The following POFUT3 variants were observed in gnomAD, a reference collection of about 807,000 sequenced individuals.
POFUT3 encodes the protein protein O-fucosyltransferase 3.
the POFUT3 span, among the ~76,000 whole-genome samples, chr8:33,394,497 C>A: frequency 6.6e-6 from 1 of 152,306 alleles, no homozygotes; most frequent in African/African-American, 2.4e-5. Flanking sequence ...CTTAGCAACA[C>A]TGCCCCAGAT....
At chr8:33,416,036 G>A in the POFUT3 span, among the ~76,000 whole-genome samples, 1 of 151,986 alleles carries the variant, frequency 6.6e-6, no homozygotes, top group Non-Finnish European at 1.5e-5. Context: ...TTAAAAAGCA[G>A]GATTTAAGTA....
the POFUT3 span, among the ~76,000 whole-genome samples, chr8:33,454,479 G>A: frequency 0.082 from 12,427 of 152,160 alleles, 652 homozygotes; most frequent in African/African-American, 0.15. Flanking sequence ...CTCAAAGTGG[G>A]TCACATTGAT....
At chr8:33,369,315 T>C in the POFUT3 span, among the ~76,000 whole-genome samples, 1 of 152,236 alleles carries the variant, frequency 6.6e-6, no homozygotes, top group Non-Finnish European at 1.5e-5. Context: ...AACTAGATTA[T>C]TTCTTAGAGT....
chr8:33,413,792 A>G, the POFUT3 span, among the ~76,000 whole-genome samples: 2 of 152,316 alleles, frequency 1.3e-5, no homozygotes, highest in East Asian at 3.9e-4. Flanking sequence ...ACTGCAATAC[A>G]TACAATAAAG....
chr8:33,371,665 C>A, the POFUT3 span: 1 of 152,232 alleles, frequency 6.6e-6, no homozygotes, highest in Non-Finnish European at 1.5e-5. Flanking sequence ...GCTGAACCTT[C>A]CCTATAGCAG....
chr8:33,352,275 A>G, the POFUT3 span, among the ~76,000 whole-genome samples: 19 of 152,220 alleles, frequency 1.2e-4, no homozygotes, highest in Non-Finnish European at 2.2e-4. Context: ...TCACTACGTG[A>G]GATTTTGGAG....
At chr8:33,378,594 A>G in the POFUT3 span, among the ~76,000 whole-genome samples, 2 of 152,144 alleles carry the variant, frequency 1.3e-5, no homozygotes, top group Admixed American at 6.5e-5. Flanking sequence ...TACTCCCAAC[A>G]TAAGTTTACT....
the POFUT3 span, among the ~76,000 whole-genome samples, chr8:33,341,851 G>C: frequency 2.9e-3 from 443 of 152,232 alleles, 4 homozygotes; most frequent in African/African-American, 1.0e-2. Context: ...TTGAGCCCAG[G>C]AGTTCAAGAC....
At chr8:33,345,773 C>T in the POFUT3 span, among the ~76,000 whole-genome samples, 20 of 150,312 alleles carry the variant, frequency 1.3e-4, no homozygotes, top group African/African-American at 4.6e-4. Context: ...AACAATGGGG[C>T]GTGGAAAGAG....
At chr8:33,423,483 T>A in the POFUT3 span, among the ~76,000 whole-genome samples, 6 of 152,018 alleles carry the variant, frequency 3.9e-5, no homozygotes, top group Non-Finnish European at 7.4e-5. Flanking sequence ...TTGCCCAGGC[T>A]AGTCTTGAAC....
chr8:33,336,238 C>T, the POFUT3 span, among the ~76,000 whole-genome samples: 1 of 152,170 alleles, frequency 6.6e-6, no homozygotes, highest in Non-Finnish European at 1.5e-5. Context: ...CAAATACTCC[C>T]ATCATGACTG....
At chr8:33,386,145 C>T in the POFUT3 span, among the ~76,000 whole-genome samples, 3 of 141,418 alleles carry the variant, frequency 2.1e-5, no homozygotes, top group Non-Finnish European at 4.5e-5. Flanking sequence ...GCCGAGATCA[C>T]GCCACTACAC....
the POFUT3 span, among the ~76,000 whole-genome samples, chr8:33,360,395 G>A: frequency 3.5e-4 from 53 of 151,890 alleles, no homozygotes; most frequent in African/African-American, 1.1e-3. Flanking sequence ...GCAGTGAGCC[G>A]AGATGGTGCC....
chr8:33,421,024 C>T, the POFUT3 span, among the ~76,000 whole-genome samples: 1 of 151,638 alleles, frequency 6.6e-6, no homozygotes, highest in African/African-American at 2.4e-5. Context: ...ATAGGAAAGA[C>T]AGGTGGGAAG....
chr8:33,427,276 TAAAAAC>T, the POFUT3 span, among the ~76,000 whole-genome samples: 1,693 of 151,984 alleles, frequency 0.011, 38 homozygotes, highest in African/African-American at 0.039. Context: ...CCTTGTCTCT[TAAAAAC>T]AAAAACAAAA....
At chr8:33,461,491 G>T in the POFUT3 span, 19 of 1,612,924 alleles carry the variant, frequency 1.2e-5, no homozygotes, top group East Asian at 6.7e-5. Context: ...GGCTAACCTG[G>T]TTACCAGGTG....
At chr8:33,426,519 T>C in the POFUT3 span, among the ~76,000 whole-genome samples, 1 of 152,226 alleles carries the variant, frequency 6.6e-6, no homozygotes, top group Non-Finnish European at 1.5e-5. Context: ...GTGCTCAGTG[T>C]TGCAGAGGAA....
At chr8:33,437,131 T>C in the POFUT3 span, among the ~76,000 whole-genome samples, 1 of 152,096 alleles carries the variant, frequency 6.6e-6, no homozygotes, top group South Asian at 2.1e-4. Flanking sequence ...TATTCCACGG[T>C]GTATATGAAG....
At chr8:33,414,922 A>G in the POFUT3 span, among the ~76,000 whole-genome samples, 1 of 151,232 alleles carries the variant, frequency 6.6e-6, no homozygotes, top group Middle Eastern at 3.4e-3. Context: ...ATGCTAGTTC[A>G]TCTCTTCCCC....
Sources: gnomAD v4.1 joint callset for allele counts (sites outside exome capture counted in the v4.1 genomes callset) on GRCh38, gnomAD v4.1.1 for gene constraint, MANE v1.5 for transcripts, NCBI Gene and HGNC (gene_info 2026-07-23, HGNC 2026-07-21) for gene names.